Variants in OPN5 observed in about 807,000 individuals in gnomAD.
OPN5 encodes opsin-5.
OPN5 carries 18 observed loss-of-function variants against 41.7 expected under a neutral mutation model. The ratio of observed to expected loss-of-function variants is 0.43; its 90% confidence interval spans 0.30 to 0.64. The LOEUF (loss-of-function observed/expected upper bound fraction) is 0.64. Ranked by LOEUF, OPN5 falls within the 30% of genes least tolerant of loss-of-function variation. The pLI, the probability that OPN5 is intolerant of heterozygous loss-of-function variation, is 0.13. For synonymous variants in OPN5, 178 were observed against 164.3 expected, an observed-to-expected ratio of 1.08 and a Z score of -0.64; for missense variants, 318 against 434.5, an observed-to-expected ratio of 0.73 and a Z score of 2.38.
At chr6:47,808,057 G>T in intron 4 of OPN5, 97 bp from the exon 5 acceptor site, 1 of 1,128,702 alleles carries the variant, frequency 8.9e-7, no homozygotes, top group Non-Finnish European at 1.3e-6. Flanking sequence ...TTTCTTGGCT[G>T]TGAGAGGTGA....
intron 3 of OPN5, among the ~76,000 whole-genome samples, chr6:47,792,273 G>T (rs1581731727): frequency 6.6e-6 from 1 of 152,296 alleles, no homozygotes; most frequent in East Asian, 1.9e-4. Flanking sequence ...GCAAACAAAA[G>T]AAATAAAGTG....
intron 4 of OPN5, among the ~76,000 whole-genome samples, chr6:47,799,845 GA>G: frequency 1.3e-5 from 2 of 152,134 alleles, no homozygotes; most frequent in East Asian, 3.9e-4. Flanking sequence ...TTGGGAGTGG[GA>G]AAACTGGCTC....
chr6:47,787,529 A>C (rs1456997313), intron 2 of OPN5, among the ~76,000 whole-genome samples: 1 of 152,194 alleles, frequency 6.6e-6, no homozygotes, highest in East Asian at 1.9e-4. Context: ...AGAGTAGGGT[A>C]ATTTGTTTGA....
chr6:47,805,081 C>A (rs975485933), intron 4 of OPN5, among the ~76,000 whole-genome samples: 1 of 152,176 alleles, frequency 6.6e-6, no homozygotes, highest in Non-Finnish European at 1.5e-5. Context: ...CTAAAGCAAG[C>A]TTTATTTCTA....
intron 6 of OPN5, among the ~76,000 whole-genome samples, chr6:47,817,295 T>G (rs1762458961): frequency 6.6e-6 from 1 of 152,110 alleles, no homozygotes; most frequent in South Asian, 2.1e-4. Context: ...GAGCACAACT[T>G]CTTACTGTAG....
Position 47,787,122 on chromosome 6 carries a change from T to A in OPN5, c.250+488T>A. On this transcript the variant is annotated intron_variant, in intron 2 of 6. Transcript: ENST00000371211. ...GAAGAGGAAAGAGGTGCCCTGCTGA[T>A]GATATATGTAATCATGACTTAGTGA... is the stretch of plus-strand genomic sequence containing the variant. 10 of 982,540 alleles carry A rather than the reference T, an allele frequency of 1.0e-5. 1 individual carries two copies. The highest frequency in any genetic ancestry group is 1.2e-5 in the Non-Finnish European group (10 of 827,204). 60.9% of individuals were successfully genotyped at this position (982,540 alleles called of 1,614,324 possible). A position where few individuals can be genotyped will look rare whatever the true frequency, so the allele number is the denominator to read the frequency against.
chr6:47,810,665 T>TGGGTAATTTTAACTTTC (rs1268729749), intron 5 of OPN5, among the ~76,000 whole-genome samples: 1 of 152,202 alleles, frequency 6.6e-6, no homozygotes, highest in Admixed American at 6.5e-5. Flanking sequence ...AAATAAATTT[T>TGGGTAATTTTAACTTTC]GGGTAATTTT....
intron 1 of OPN5, among the ~76,000 whole-genome samples, chr6:47,785,750 G>A (rs148670172): frequency 4.4e-4 from 67 of 152,326 alleles, no homozygotes; most frequent in Middle Eastern, 3.4e-3. Context: ...AATGCCAAAG[G>A]CAACTAGTCA....
In OPN5 at chr6:47,791,782, C is replaced by T. The variant is rs199573735; in HGVS notation, c.251-20C>T. 610 of 1,611,782 alleles carry T rather than the reference C, an allele frequency of 3.8e-4. No individual in the cohort carries two copies. The highest frequency in any genetic ancestry group is 4.8e-4 in the Non-Finnish European group (562 of 1,178,360). On this transcript the variant is annotated intron_variant, in intron 2 of 6. Transcript: ENST00000371211. ...TAGTAACCAGAGGAACGTCTGTTGA[C>T]AAGTCACTTGGTGCTCTAGTTGTAG... is the stretch of plus-strand genomic sequence containing the variant.
intron 6 of OPN5, among the ~76,000 whole-genome samples, chr6:47,820,882 G>T (rs149454344): frequency 2.1e-3 from 322 of 152,248 alleles, no homozygotes; most frequent in Middle Eastern, 6.8e-3. Flanking sequence ...ATGGCCTACT[G>T]TTGACCGGAA....
At chr6:47,811,866 C>G in intron 6 of OPN5, 135 bp downstream of exon 6, 1 of 506,808 alleles carries the variant, frequency 2.0e-6, no homozygotes, top group Non-Finnish European at 3.4e-6. Flanking sequence ...TTTCCTCAAG[C>G]CAGGGGTTGC....
At chr6:47,819,587 T>C (rs1581763481) in intron 6 of OPN5, among the ~76,000 whole-genome samples, 1 of 151,684 alleles carries the variant, frequency 6.6e-6, no homozygotes, top group Admixed American at 6.6e-5. Flanking sequence ...TTCACATTAG[T>C]CAGGCTGCTG....
At chr6:47,810,072 A>C (rs1246011158) in intron 5 of OPN5, among the ~76,000 whole-genome samples, 1 of 152,238 alleles carries the variant, frequency 6.6e-6, no homozygotes. Context: ...ACTTAGGGCC[A>C]CAGACCTTTG....
chr6:47,782,057 C>T (rs766668692), exon 1 of OPN5: 34 of 1,611,758 alleles, frequency 2.1e-5, no homozygotes, highest in Non-Finnish European at 2.3e-5. Context: ...CCTCGTGGTT[C>T]GAGAACAGAA....
At chr6:47,808,485 G>A (rs555084632) in intron 5 of OPN5, 90 bp downstream of exon 5, 101 of 1,421,690 alleles carry the variant, frequency 7.1e-5, no homozygotes, top group Middle Eastern at 5.8e-4. Context: ...GTCTTCTTAG[G>A]GTTAAAGCTC....
chr6:47,815,434 G>C (rs1360719885), intron 6 of OPN5, among the ~76,000 whole-genome samples: 2 of 152,090 alleles, frequency 1.3e-5, no homozygotes, highest in African/African-American at 4.8e-5. Context: ...AGAGCTAGAT[G>C]ATGAGTAGGC....
chr6:47,813,917 G>C (rs1487628349), intron 6 of OPN5, among the ~76,000 whole-genome samples: 1 of 152,016 alleles, frequency 6.6e-6, no homozygotes, highest in East Asian at 1.9e-4. Flanking sequence ...GAATGGGATG[G>C]GGGAGAGAGT....
intron 4 of OPN5, among the ~76,000 whole-genome samples, chr6:47,806,882 G>A (rs1229201202): frequency 6.6e-6 from 1 of 152,186 alleles, no homozygotes; most frequent in African/African-American, 2.4e-5. Context: ...AGTAGGCCAG[G>A]CGCGATGGCT....
chr6:47,783,831 T>G (rs952996099), intron 1 of OPN5, among the ~76,000 whole-genome samples: 4 of 152,314 alleles, frequency 2.6e-5, no homozygotes, highest in Non-Finnish European at 4.4e-5. Flanking sequence ...AATAAGCAAC[T>G]TGATCAATTG....
Sources: gnomAD v4.1 joint callset for allele counts (sites outside exome capture counted in the v4.1 genomes callset) on GRCh38, gnomAD v4.1.1 for gene constraint, MANE v1.5 for transcripts, NCBI Gene and HGNC (gene_info 2026-07-23, HGNC 2026-07-21) for gene names.